The following BEX4 variants were observed in gnomAD, a reference collection of about 807,000 sequenced individuals.
BEX4 encodes the protein protein BEX4.
For missense variants in BEX4, 110 were observed against 96.5 expected, an observed-to-expected ratio of 1.14 and a Z score of -0.59; for synonymous variants, 37 against 33.5, an observed-to-expected ratio of 1.11 and a Z score of -0.36.
rs1450131851 is a variant in BEX4 at position 103,215,235 on chromosome X, G to A, written c.-92G>A. ...CCCGAAATTAGGAAGCGGAGGGGGA[G>A]CAGGTAAGGAACCCGGCGGGGGGTC... On this transcript the variant is annotated 5_prime_UTR_variant, in exon 1 of 3. Transcript: ENST00000372695. 1.3e-6 allele frequency: 1 copy of A among 755,769 alleles called. No individual in the cohort carries two copies. Among genetic ancestry groups the A allele is most frequent in the Non-Finnish European group, 1.6e-6 (1 of 640,129 alleles). 62.3% of individuals were successfully genotyped at this position (755,769 alleles called of 1,213,427 possible). A position where few individuals can be genotyped will look rare whatever the true frequency, so the allele number is the denominator to read the frequency against.
At chrX:103,215,633 C>G in intron 1 of BEX4, 49 bp from the exon 2 acceptor site, 1 of 827,595 alleles carries the variant, frequency 1.2e-6, no homozygotes, top group South Asian at 3.4e-5. Flanking sequence ...GGCGGTAGTT[C>G]CTAGCTAGCG....
Position 103,216,203 on chromosome X carries a change from C to T in BEX4, c.50C>T (p.Ala17Val). The T allele has an allele frequency of 1.7e-6, 2 of 1,149,598 alleles. No individual in the cohort carries two copies. The highest frequency in any genetic ancestry group is 2.3e-6 in the Non-Finnish European group (2 of 866,776). The allele number at this position is 1,149,598 out of a possible 1,213,427, so 94.7% of individuals were successfully genotyped here. The change falls in exon 3 of 3, where the codon GCC becomes GTC. Residue 17 changes from alanine to valine, a missense_variant. By Grantham distance (64) the Ala-to-Val change is moderately conservative (BLOSUM62 0). Transcript: ENST00000372695. ...GCAAACAATCTCAACGGGGAAAATG[C>T]CCAACAAGAAAACGAAGGAGGGGAG... ...LAANNLNGEN[A>V]QQENEGGEQA...
chrX:103,215,199 C>T lies in BEX4; in HGVS notation c.-128C>T. On this transcript the variant is annotated 5_prime_UTR_variant, in exon 1 of 3. Transcript: ENST00000372695. ...CCCGGTGGCCCTGAGGACGTGTGGG[C>T]CAGGGGCGGCCCCGAAATTAGGAAG... 6 of 755,532 alleles carry T rather than the reference C, an allele frequency of 7.9e-6. No individual in the cohort carries two copies. The highest frequency in any genetic ancestry group is 9.4e-6 in the Non-Finnish European group (6 of 640,163). 62.3% of individuals were successfully genotyped at this position (755,532 alleles called of 1,213,427 possible). A position where few individuals can be genotyped will look rare whatever the true frequency, so the allele number is the denominator to read the frequency against.
In BEX4 at chrX:103,216,711, T is replaced by C. The variant is rs1328276748; in HGVS notation, c.*195T>C. The C allele has an allele frequency of 2.5e-6, 1 of 404,324 alleles. No individual in the cohort carries two copies. The highest frequency in any genetic ancestry group is 4.1e-6 in the Non-Finnish European group (1 of 245,235). 33.3% of individuals were successfully genotyped at this position (404,324 alleles called of 1,213,427 possible). ...GGCAATTCACCTATTTTAGGAAAAA[T>C]ACTCTTTTCATAATATGAAATGCAT... is the stretch of plus-strand genomic sequence containing the variant. On this transcript the variant is annotated 3_prime_UTR_variant, in exon 3 of 3. Coordinates refer to ENST00000372695, the MANE Select transcript of BEX4 (RefSeq NM_001080425.4).
rs1924566062 is a variant in BEX4 at position 103,215,826 on chromosome X, C to T, written c.-6+62C>T. ...ACGTGAGGAAAGCCCAGTCTGAGAC[C>T]CTAATCCATGCCTTCACCCTCGCCC... On this transcript the variant is annotated intron_variant, in intron 2 of 2. Transcript: ENST00000372695. 3 of 763,314 alleles carry T rather than the reference C, an allele frequency of 3.9e-6. No homozygotes were observed. The South Asian group carries it at 1.3e-4, about 32-fold the overall frequency. The allele number at this position is 763,314 out of a possible 1,213,427, so 62.9% of individuals were successfully genotyped here. A position where few individuals can be genotyped will look rare whatever the true frequency, so the allele number is the denominator to read the frequency against.
At position 103,217,233 on chromosome X, in the gene BEX4, A is replaced by G. The variant is rs1291953882; in HGVS notation, c.*717A>G. ...GGGCAAGTAATTAAAAAAGAAAAGT[A>G]TGAGACCTTAAAATAAGACTGATGA... is the stretch of plus-strand genomic sequence containing the variant. On this transcript the variant is annotated 3_prime_UTR_variant, in exon 3 of 3. Transcript: ENST00000372695. 1 of 123,185 alleles carries G rather than the reference A, an allele frequency of 8.1e-6. No homozygotes were observed. Among genetic ancestry groups the G allele is most frequent in the Non-Finnish European group, 1.9e-5 (1 of 53,328 alleles). 10.2% of individuals were successfully genotyped at this position (123,185 alleles called of 1,213,427 possible). A position where few individuals can be genotyped will look rare whatever the true frequency, so the allele number is the denominator to read the frequency against.
chrX:103,215,121 C>G lies in BEX4; in HGVS notation c.-206C>G. 1 of 754,436 alleles carries G rather than the reference C, an allele frequency of 1.3e-6. No individual in the cohort carries two copies. 62.2% of individuals were successfully genotyped at this position (754,436 alleles called of 1,213,427 possible). The stretch of plus-strand genomic sequence containing the variant: ...CCGGCCAACACTGAGTGTTGTCTCG[C>G]TCTGGCGTCAGAGCCGTCGTGGCTC... On this transcript the variant is annotated 5_prime_UTR_variant, in exon 1 of 3. Transcript: ENST00000372695.
Position 103,215,686 on chromosome X carries a change from C to T in BEX4, c.-84C>T. The T allele has an allele frequency of 1.1e-6, 1 of 900,062 alleles. No individual in the cohort carries two copies. Among genetic ancestry groups the T allele is most frequent in the South Asian group, 2.8e-5 (1 of 35,800 alleles). 74.2% of individuals were successfully genotyped at this position (900,062 alleles called of 1,213,427 possible). ...CCACTTCCCCCACCCCGGCAGTCTG[C>T]AGGTCTGCGGGGCTAAGTGTCGCGG... On this transcript the variant is annotated 5_prime_UTR_variant, in exon 2 of 3. Transcript: ENST00000372695.
In BEX4 at chrX:103,215,762, C is replaced by T. The variant is rs1217419229; in HGVS notation, c.-8C>T. On this transcript the variant is annotated splice_region_variant and 5_prime_UTR_variant, in exon 2 of 3. Transcript: ENST00000372695. ...GAGGAGGAGACTGCAAGGATAGGCCCAGGTCGGTGCGAGGGTCGGTGGTGA... is the reference window on the plus strand; with the variant it reads ...GAGGAGGAGACTGCAAGGATAGGCCTAGGTCGGTGCGAGGGTCGGTGGTGA... 5 of 914,890 alleles carry T rather than the reference C, an allele frequency of 5.5e-6. No individual in the cohort carries two copies. Among genetic ancestry groups the T allele is most frequent in the Non-Finnish European group, 5.5e-6 (4 of 733,919 alleles). The allele number at this position is 914,890 out of a possible 1,213,427, so 75.4% of individuals were successfully genotyped here.
chrX:103,216,640 C>T lies in BEX4; in HGVS notation c.*124C>T. ...CCAGTTTCTAATGGAAATTAGAATT[C>T]TAATTGAATATTGTTTTGTCTCAGC... is the stretch of plus-strand genomic sequence containing the variant. On this transcript the variant is annotated 3_prime_UTR_variant, in exon 3 of 3. Transcript: ENST00000372695. 3 of 808,301 alleles carry T rather than the reference C, an allele frequency of 3.7e-6. No homozygotes were observed. Among genetic ancestry groups the T allele is most frequent in the Non-Finnish European group, 5.2e-6 (3 of 576,221 alleles). The allele number at this position is 808,301 out of a possible 1,213,427, so 66.6% of individuals were successfully genotyped here.
chrX:103,215,155 C>T lies in BEX4; in HGVS notation c.-172C>T. On this transcript the variant is annotated 5_prime_UTR_variant, in exon 1 of 3. Transcript: ENST00000372695. Reference sequence around the variant, plus strand: ...CAGAGCCGTCGTGGCTCGTTCCATTCTCGGCGGTGGTACCTGCTCCCGGTG... The same window carrying T: ...CAGAGCCGTCGTGGCTCGTTCCATTTTCGGCGGTGGTACCTGCTCCCGGTG... 1.3e-6 allele frequency: 1 copy of T among 754,681 alleles called. No homozygotes were observed. The highest frequency in any genetic ancestry group is 1.5e-4 in the East Asian group (1 of 6,637). The allele number at this position is 754,681 out of a possible 1,213,427, so 62.2% of individuals were successfully genotyped here.
intron 1 of BEX4, 80 bp downstream of exon 1, chrX:103,215,318 G>A (rs1043966802): frequency 4.6e-6 from 3 of 645,938 alleles, no homozygotes; most frequent in African/African-American, 4.9e-5. Flanking sequence ...CGGGGGAGCC[G>A]TGCGGAGAAG....
chrX:103,216,217 G>A lies in BEX4; in HGVS notation c.64G>A (p.Glu22Lys), dbSNP rs754020950. 9.5e-6 allele frequency: 11 copies of A among 1,154,163 alleles called. No homozygotes were observed. The highest frequency in any genetic ancestry group is 4.2e-5 in the South Asian group (2 of 47,453). Residue 22 changes from glutamate to lysine, a missense_variant, in exon 3 of 3, where the codon GAA becomes AAA. Physicochemically the swap from Glu to Lys is moderately conservative, Grantham distance 56 (BLOSUM62 1). Transcript: ENST00000372695. ...CGGGGAAAATGCCCAACAAGAAAAC[G>A]AAGGAGGGGAGCAGGCCCCCACGCA... Reference protein sequence around the residue: ...LNGENAQQENEGGEQAPTQNE... With the variant: ...LNGENAQQENKGGEQAPTQNE...
rs755302719 is a variant in BEX4 at position 103,216,765 on chromosome X, C to G, written c.*249C>G. ...GCAGTTCAAAAAGCAGTCTGTATTC[C>G]ATCATCTTCCTTTTTCATTCCAGTC... On this transcript the variant is annotated 3_prime_UTR_variant, in exon 3 of 3. Coordinates refer to ENST00000372695, the MANE Select transcript of BEX4 (RefSeq NM_001080425.4). 2 of 219,659 alleles carry G rather than the reference C, an allele frequency of 9.1e-6. No individual in the cohort carries two copies. Among genetic ancestry groups the G allele is most frequent in the East Asian group, 8.5e-5 (1 of 11,729 alleles). 18.1% of individuals were successfully genotyped at this position (219,659 alleles called of 1,213,427 possible).
chrX:103,216,504 C>T lies in BEX4; in HGVS notation c.351C>T (p.Cys117=). 8.3e-7 allele frequency: 1 copy of T among 1,203,390 alleles called. No individual in the cohort carries two copies. The highest frequency in any genetic ancestry group is 1.1e-6 in the Non-Finnish European group (1 of 891,503). ...AACCTGACAACCATTATGACTTTTG[C>T]CTCATACCTTGAATCCTAAAAGTTT... ...TPEPDNHYDF[C]LIP is the part of the protein sequence containing the mutation. Residue 117 remains cysteine (C), a synonymous_variant, in exon 3 of 3, where the codon TGC becomes TGT. Transcript: ENST00000372695.
In BEX4 at chrX:103,215,895, G is replaced by C. The variant is rs1924569368; in HGVS notation, c.-6+131G>C. ...CCTCCCCTTCCCACACGCCATCCTC[G>C]TCCTCCATTTTGCTGCCTGCGGAAG... On this transcript the variant is annotated intron_variant, in intron 2 of 2. Coordinates refer to ENST00000372695, the MANE Select transcript of BEX4 (RefSeq NM_001080425.4). 5 of 538,433 alleles carry C rather than the reference G, an allele frequency of 9.3e-6. No individual in the cohort carries two copies. In the South Asian group the frequency reaches 3.8e-4, roughly 40 times the overall value. The allele number at this position is 538,433 out of a possible 1,213,427, so 44.4% of individuals were successfully genotyped here.
At position 103,216,280 on chromosome X, in the gene BEX4, G is replaced by T; in HGVS notation, c.127G>T (p.Gly43Cys). The change falls in exon 3 of 3, where the codon GGC becomes TGC. Residue 43 changes from glycine (G) to cysteine (C), a missense_variant. Gly to Cys is a radical substitution (Grantham distance 159, BLOSUM62 -3). Coordinates refer to ENST00000372695, the MANE Select transcript of BEX4 (RefSeq NM_001080425.4). ...EESRHLGGGE[G>C]QKPGGNIRRG... ...ATCCCGCCATTTGGGAGGGGGTGAAGGCCAGAAGCCTGGAGGAAATATCAG... is the reference window on the plus strand; with the variant it reads ...ATCCCGCCATTTGGGAGGGGGTGAATGCCAGAAGCCTGGAGGAAATATCAG... The T allele has an allele frequency of 8.3e-6, 10 of 1,207,091 alleles. No homozygotes were observed. Among genetic ancestry groups the T allele is most frequent in the Non-Finnish European group, 1.1e-5 (10 of 892,511 alleles).
chrX:103,215,790 C>T, intron 2 of BEX4, 26 bp downstream of exon 2: 1 of 873,411 alleles, frequency 1.1e-6, no homozygotes, highest in Non-Finnish European at 1.4e-6. Flanking sequence ...GGTGGTGAGG[C>T]GGGGGCCGGA....
In BEX4 at chrX:103,216,829, C is replaced by T. The variant is rs1924602067; in HGVS notation, c.*313C>T. ...GTATTACTTTTCCTCCTCCGGCTAC[C>T]TGGACTCAAAATCTCAGTTGTCTTT... On this transcript the variant is annotated 3_prime_UTR_variant, in exon 3 of 3. Transcript: ENST00000372695. 6.9e-6 allele frequency: 1 copy of T among 144,942 alleles called. No homozygotes were observed. The highest frequency in any genetic ancestry group is 3.2e-5 in the African/African-American group (1 of 31,497). The allele number at this position is 144,942 out of a possible 1,213,427, so 11.9% of individuals were successfully genotyped here. A position where few individuals can be genotyped will look rare whatever the true frequency, so the allele number is the denominator to read the frequency against.
Sources: gnomAD v4.1 joint callset for allele counts on GRCh38, gnomAD v4.1.1 for gene constraint, MANE v1.5 for transcripts, NCBI Gene and HGNC (gene_info 2026-07-23, HGNC 2026-07-21) for gene names.